Variants in RADIL observed in about 807,000 individuals in gnomAD.
The protein encoded by RADIL is Rap associating with DIL domain.
RADIL carries 99 observed loss-of-function variants against 97.6 expected under a neutral mutation model. That is an observed-to-expected ratio of 1.01 (90% CI 0.86 to 1.20). The LOEUF (loss-of-function observed/expected upper bound fraction) is 1.20, where lower values mean the gene tolerates loss of function less well. Among genes scored for constraint, RADIL ranks in the 50% most tolerant of loss-of-function variants. The probability of loss-of-function intolerance (pLI) is 0.00; values close to 1 mark genes in which losing one functional copy is unlikely to be tolerated. For synonymous variants in RADIL, 803 were observed against 691.8 expected, an observed-to-expected ratio of 1.16 and a Z score of -2.52; for missense variants, 1,765 against 1,498.9, an observed-to-expected ratio of 1.18 and a Z score of -2.93.
At position 4,873,693 on chromosome 7, in the gene RADIL, A is replaced by G. The variant is rs1246334150; in HGVS notation, c.535+3912T>C. 2.0e-5 allele frequency among the ~76,000 whole-genome samples: 3 copies of G among 152,170 alleles called. No individual in the cohort carries two copies. Among genetic ancestry groups the G allele is most frequent in the Admixed American group, 2.0e-4 (3 of 15,284 alleles). The stretch of plus-strand genomic sequence containing the variant: ...AAAGCGACACGGTGACACATGCCCC[A>G]CACTGAGGGCCACTCTCAGGACAAA... On this transcript the variant is annotated intron_variant, in intron 2 of 14. Coordinates refer to ENST00000399583, the MANE Select transcript of RADIL (RefSeq NM_018059.5). This position sits in a 1 kb window ranked among gnomAD's most constrained non-coding sequence, Gnocchi z 4.3.
At position 4,867,202 on chromosome 7, in the gene RADIL, A is replaced by G. The variant is rs540247973; in HGVS notation, c.535+10403T>C. ...AGCCTAAAGGTGTTGAGGGGCACAC[A>G]GGCACACGAGGCTTCTGAGGAAGCT... On this transcript the variant is annotated intron_variant, in intron 2 of 14. Transcript: ENST00000399583. The surrounding 1 kb of genome is among the most constrained non-coding windows in gnomAD (Gnocchi z 4.1). 2.0e-5 allele frequency among the ~76,000 whole-genome samples: 3 copies of G among 152,346 alleles called. No individual in the cohort carries two copies. Among genetic ancestry groups the G allele is most frequent in the Admixed American group, 6.5e-5 (1 of 15,302 alleles).
rs1782743316 is a variant in RADIL at position 4,818,697 on chromosome 7, G to C, written c.1616-1346C>G. Among the ~76,000 whole-genome samples the C allele has an allele frequency of 6.6e-6, 1 of 152,206 alleles. No homozygotes were observed. The highest frequency in any genetic ancestry group is 2.1e-4 in the South Asian group (1 of 4,830). On this transcript the variant is annotated intron_variant, in intron 6 of 14. Transcript: ENST00000399583. The surrounding 1 kb of genome is among the most constrained non-coding windows in gnomAD (Gnocchi z 7.1). The stretch of plus-strand genomic sequence containing the variant: ...CACGGCAGGCGGGTCAGGAGGCTGA[G>C]CTCTGTCCCGTCCACCTGTCCTGGT...
intron 3 of RADIL, 61 bp downstream of exon 3, chr7:4,836,297 G>A: frequency 1.3e-6 from 2 of 1,548,150 alleles, no homozygotes; most frequent in South Asian, 2.4e-5. Flanking sequence ...CTTGACTTCT[G>A]AGTCCCGCCT....
intron 2 of RADIL, 124 bp downstream of exon 2, chr7:4,877,481 A>T: frequency 9.4e-7 from 1 of 1,069,080 alleles, no homozygotes; most frequent in Non-Finnish European, 1.3e-6. Flanking sequence ...ACGGGCTCCG[A>T]CTGCCTCCTG....
In RADIL at chr7:4,819,547, T is replaced by C. The variant is rs1782771886; in HGVS notation, c.1616-2196A>G. Among the ~76,000 whole-genome samples the C allele has an allele frequency of 6.6e-6, 1 of 152,114 alleles. No homozygotes were observed. Among genetic ancestry groups the C allele is most frequent in the Admixed American group, 6.5e-5 (1 of 15,270 alleles). ...GCCCTATCCCTAAAGAAGAAGGCGC[T>C]GAGCTCCAGCCACGAGGAGAATCTG... On this transcript the variant is annotated intron_variant, in intron 6 of 14. Transcript: ENST00000399583. This position sits in a 1 kb window ranked among gnomAD's most constrained non-coding sequence, Gnocchi z 5.8.
In RADIL at chr7:4,873,482, C is replaced by CAGG. The variant is rs1784300667; in HGVS notation, c.535+4120_535+4122dup. Among the ~76,000 whole-genome samples the CAGG allele has an allele frequency of 6.6e-6, 1 of 152,224 alleles. No individual in the cohort carries two copies. Among genetic ancestry groups the CAGG allele is most frequent in the Non-Finnish European group, 1.5e-5 (1 of 68,042 alleles). On this transcript the variant is annotated intron_variant, in intron 2 of 14. Transcript: ENST00000399583. This position sits in a 1 kb window ranked among gnomAD's most constrained non-coding sequence, Gnocchi z 4.3. ...ATCGAACTGTTATCTCACCAGGGATCAGGGACAGCCCCACGCTGGGTCCTC... is the reference window on the plus strand; with the variant it reads ...ATCGAACTGTTATCTCACCAGGGATCAGGAGGGACAGCCCCACGCTGGGTCCTC...
rs778908331 is a variant in RADIL, at chr7:4,799,373, C to T, written c.*5G>A. ...CGGGCCTGTGGGGGTGTCCTCGCAG[C>T]CCCCCTAGAGAGGGGGCGTGCGGAA... On this transcript the variant is annotated 3_prime_UTR_variant, in exon 15 of 15. Coordinates refer to ENST00000399583, the MANE Select transcript of RADIL (RefSeq NM_018059.5). The T allele has an allele frequency of 1.9e-6, 3 of 1,612,730 alleles. No individual in the cohort carries two copies. The highest frequency in any genetic ancestry group is 1.7e-6 in the Non-Finnish European group (2 of 1,179,220).
chr7:4,854,033 T>C lies in RADIL; in HGVS notation c.536-17428A>G, dbSNP rs1260041284. Among the ~76,000 whole-genome samples the C allele has an allele frequency of 1.3e-5, 2 of 152,184 alleles. No homozygotes were observed. Among genetic ancestry groups the C allele is most frequent in the East Asian group, 1.9e-4 (1 of 5,188 alleles). On this transcript the variant is annotated intron_variant, in intron 2 of 14. Coordinates refer to ENST00000399583, the MANE Select transcript of RADIL (RefSeq NM_018059.5). The surrounding 1 kb of genome is among the most constrained non-coding windows in gnomAD (Gnocchi z 5.1). ...TGTTGGGACTTCTCCGAAAGCTCCATAGGTGGGCAGTTTGCAGGTACACCT... is the reference window on the plus strand; with the variant it reads ...TGTTGGGACTTCTCCGAAAGCTCCACAGGTGGGCAGTTTGCAGGTACACCT...
chr7:4,868,600 A>G (rs1236611383), intron 2 of RADIL, among the ~76,000 whole-genome samples: 1 of 152,230 alleles, frequency 6.6e-6, no homozygotes, highest in East Asian at 1.9e-4. Context: ...AACTTGTGCC[A>G]GCTTCACGTT....
intron 5 of RADIL, among the ~76,000 whole-genome samples, chr7:4,831,577 CAAA>C (rs397889423): frequency 1.4e-4 from 11 of 77,856 alleles, no homozygotes; most frequent in East Asian, 7.7e-4. Context: ...TGAAGATTCT[CAAA>C]AAAAAAAAAA....
intron 1 of RADIL, among the ~76,000 whole-genome samples, chr7:4,882,776 C>T (rs1037767991): frequency 2.0e-5 from 3 of 152,176 alleles, no homozygotes; most frequent in Non-Finnish European, 4.4e-5. Flanking sequence ...ACCGACTTGC[C>T]CCCCAGCAAA....
rs1784279572 is a variant in RADIL, at chr7:4,872,538, G to T, written c.535+5067C>A. ...TCTAAGTGGCTGCTGTCTTATCTCG[G>T]TGACAGGACCCAGGCCCCTCTGTGG... On this transcript the variant is annotated intron_variant, in intron 2 of 14. Coordinates refer to ENST00000399583, the MANE Select transcript of RADIL (RefSeq NM_018059.5). This position sits in a 1 kb window ranked among gnomAD's most constrained non-coding sequence, Gnocchi z 5.8. Among the ~76,000 whole-genome samples the T allele has an allele frequency of 6.6e-6, 1 of 152,036 alleles. No individual in the cohort carries two copies. Among genetic ancestry groups the T allele is most frequent in the Non-Finnish European group, 1.5e-5 (1 of 68,020 alleles).
chr7:4,827,540 A>G (rs1185435742), intron 5 of RADIL, among the ~76,000 whole-genome samples: 2 of 152,086 alleles, frequency 1.3e-5, no homozygotes, highest in African/African-American at 4.8e-5. Context: ...AGGCGCCTGT[A>G]GTCCCAGCTA....
At chr7:4,846,025 G>A (rs1583302863) in intron 2 of RADIL, among the ~76,000 whole-genome samples, 1 of 152,192 alleles carries the variant, frequency 6.6e-6, no homozygotes, top group Non-Finnish European at 1.5e-5. Flanking sequence ...CCAGCATGGC[G>A]CTGGGCACGC....
intron 2 of RADIL, among the ~76,000 whole-genome samples, chr7:4,836,887 G>A: frequency 6.6e-6 from 1 of 152,120 alleles, no homozygotes; most frequent in South Asian, 2.1e-4. Context: ...GCAGTGAGCT[G>A]AGATTGCACC....
In RADIL at chr7:4,837,859, C is replaced by T. The variant is rs1783342601; in HGVS notation, c.536-1254G>A. The T allele has an allele frequency of 1.0e-6, 1 of 985,452 alleles. No individual in the cohort carries two copies. Among genetic ancestry groups the T allele is most frequent in the Non-Finnish European group, 1.2e-6 (1 of 829,930 alleles). The allele number at this position is 985,452 out of a possible 1,614,324, so 61.0% of individuals were successfully genotyped here. A position where few individuals can be genotyped will look rare whatever the true frequency, so the allele number is the denominator to read the frequency against. ...CCCAGCTGACCCGGCGCTGTCTTTT[C>T]TGAGCCCTCTGCTGAGTTCCCTGTA... On this transcript the variant is annotated intron_variant, in intron 2 of 14. Coordinates refer to ENST00000399583, the MANE Select transcript of RADIL (RefSeq NM_018059.5). This position sits in a 1 kb window ranked among gnomAD's most constrained non-coding sequence, Gnocchi z 5.6.
intron 2 of RADIL, among the ~76,000 whole-genome samples, chr7:4,864,874 C>A (rs1441821975): frequency 1.3e-5 from 2 of 152,178 alleles, no homozygotes; most frequent in Non-Finnish European, 2.9e-5. Context: ...ACCTAGGAGC[C>A]AGAGTCATCT....
chr7:4,860,284 G>C (rs376279221), intron 2 of RADIL: 3 of 1,613,874 alleles, frequency 1.9e-6, no homozygotes, highest in Non-Finnish European at 2.5e-6. Context: ...CTTCTGTTGA[G>C]TGTGCTTTCT....
chr7:4,823,405 A>T (rs1782889355), intron 5 of RADIL, among the ~76,000 whole-genome samples: 1 of 149,568 alleles, frequency 6.7e-6, no homozygotes, highest in African/African-American at 2.5e-5. Flanking sequence ...CCTAGCCTTA[A>T]GCAATCCTCT....
Sources: gnomAD v4.1 joint callset for allele counts (sites outside exome capture counted in the v4.1 genomes callset) on GRCh38, gnomAD v4.1.1 for gene constraint, Gnocchi (gnomAD v3.1) non-coding constraint, MANE v1.5 for transcripts, NCBI Gene and HGNC (gene_info 2026-07-23, HGNC 2026-07-21) for gene names.